ADGRL2: variants seen among roughly 807,000 people sequenced by gnomAD.
The protein encoded by ADGRL2 is calcium-independent alpha-latrotoxin receptor 2.
In ADGRL2, 44 loss-of-function variants were observed where a neutral mutation model predicts 157.4. The observed-to-expected ratio is 0.28, with a 90% CI of 0.22 to 0.36. ADGRL2 has a LOEUF of 0.36. Ranked by LOEUF, ADGRL2 falls within the 10% of genes least tolerant of loss-of-function variation. The pLI is 1.00. For synonymous variants in ADGRL2, 585 were observed against 624.7 expected (o/e 0.94, Z 0.95); for missense variants, 1,510 against 1,768.9 (o/e 0.85, Z 2.63).
At chr1:81,476,301 C>G (rs2078272176) in intron 2 of ADGRL2, among the ~76,000 whole-genome samples, 2 of 152,108 alleles carry the variant, frequency 1.3e-5, no homozygotes, top group Non-Finnish European at 2.9e-5. Flanking sequence ...ACTGAGAGAA[C>G]TTGACAATAT....
Position 81,990,377 on chromosome 1 carries a change from CT to C in ADGRL2, c.3656-13del. ...ACAGAGACAGTAATGATAACTCCCC[CT>C]CTTCTGTTTCAGGACATTCACTGAA... On this transcript the variant is annotated splice_polypyrimidine_tract_variant and intron_variant, in intron 23 of 23. Coordinates refer to ENST00000686636, the MANE Select transcript of ADGRL2 (RefSeq NM_001366006.2). 6.2e-7 allele frequency: 1 copy of C among 1,606,880 alleles called. No individual in the cohort carries two copies. The highest frequency in any genetic ancestry group is 8.5e-7 in the Non-Finnish European group (1 of 1,175,054).
chr1:81,678,847 G>A (rs2083049529), intron 3 of ADGRL2, among the ~76,000 whole-genome samples: 1 of 152,122 alleles, frequency 6.6e-6, no homozygotes, highest in Non-Finnish European at 1.5e-5. Context: ...GGTGTGCAAA[G>A]GTTAGAGGCA....
At chr1:81,942,068 C>T (rs1489906490) in intron 5 of ADGRL2, 23 bp downstream of exon 5, 1 of 765,778 alleles carries the variant, frequency 1.3e-6, no homozygotes. Flanking sequence ...CAGTCTGAAC[C>T]CCAGCTCCCT....
intron 2 of ADGRL2, among the ~76,000 whole-genome samples, chr1:81,842,504 C>T (rs1292770803): frequency 1.3e-5 from 2 of 151,630 alleles, no homozygotes; most frequent in Non-Finnish European, 2.9e-5. Flanking sequence ...ATTACAGGCA[C>T]CTGCCACCAT....
intron 3 of ADGRL2, among the ~76,000 whole-genome samples, chr1:81,620,257 C>A (rs961226975): frequency 4.0e-5 from 6 of 150,880 alleles, no homozygotes; most frequent in Non-Finnish European, 8.9e-5. Context: ...TCACATTTTT[C>A]AATTTCACAT....
intron 1 of ADGRL2, among the ~76,000 whole-genome samples, chr1:81,833,105 T>C (rs1324384346): frequency 1.3e-5 from 2 of 152,244 alleles, no homozygotes; most frequent in Non-Finnish European, 1.5e-5. Context: ...TAGTAAATTC[T>C]GTCTCATAAT....
At chr1:81,787,434 C>T (rs940025308) in intron 2 of ADGRL2, among the ~76,000 whole-genome samples, 1 of 151,936 alleles carries the variant, frequency 6.6e-6, no homozygotes, top group African/African-American at 2.4e-5. Context: ...GAGGGTGGAT[C>T]ACCTGAGGTC....
intron 1 of ADGRL2, among the ~76,000 whole-genome samples, chr1:81,378,977 A>G (rs1329761157): frequency 6.6e-6 from 1 of 152,172 alleles, no homozygotes; most frequent in Non-Finnish European, 1.5e-5. Flanking sequence ...TTTGATTGCC[A>G]TATTTGTTAA....
chr1:81,716,386 A>G (rs185607852), intron 1 of ADGRL2, among the ~76,000 whole-genome samples: 12 of 152,292 alleles, frequency 7.9e-5, no homozygotes, highest in Non-Finnish European at 1.2e-4. Flanking sequence ...GTACTAAATG[A>G]GTTCTTATAC....
At chr1:81,395,041 C>A (rs1012630796) in intron 1 of ADGRL2, among the ~76,000 whole-genome samples, 1 of 151,906 alleles carries the variant, frequency 6.6e-6, no homozygotes, top group African/African-American at 2.4e-5. Flanking sequence ...TGGGACTACA[C>A]GTGTGTGCCA....
intron 3 of ADGRL2, among the ~76,000 whole-genome samples, chr1:81,603,600 C>T (rs1458634181): frequency 6.6e-6 from 1 of 152,186 alleles, no homozygotes; most frequent in African/African-American, 2.4e-5. Flanking sequence ...CAGTGTCATC[C>T]ATTCAACTCC....
intron 3 of ADGRL2, among the ~76,000 whole-genome samples, chr1:81,691,624 G>T (rs548190631): frequency 2.7e-4 from 41 of 151,582 alleles, no homozygotes; most frequent in African/African-American, 9.7e-4. Flanking sequence ...TCAGCCTCTC[G>T]AGTAGCTGGG....
intron 1 of ADGRL2, among the ~76,000 whole-genome samples, chr1:81,343,202 G>A (rs575283315): frequency 5.1e-4 from 75 of 147,200 alleles, no homozygotes; most frequent in African/African-American, 1.8e-3. Context: ...CAATTGTCAC[G>A]CCTTAGCCTC....
intron 1 of ADGRL2, among the ~76,000 whole-genome samples, chr1:81,827,770 G>T (rs963442684): frequency 2.0e-5 from 3 of 152,050 alleles, no homozygotes; most frequent in Non-Finnish European, 4.4e-5. Context: ...TCACCAAGTT[G>T]TCCAGGCTGG....
intron 1 of ADGRL2, among the ~76,000 whole-genome samples, chr1:81,329,082 C>CCA (rs35644430): frequency 0.22 from 33,706 of 151,902 alleles, 3,845 homozygotes; most frequent in South Asian, 0.32. Context: ...CAGAAGAAGT[C>CCA]GAGTTTTCAC....
intron 23 of ADGRL2, chr1:81,989,821 T>C: frequency 1.4e-6 from 2 of 1,435,282 alleles, no homozygotes; most frequent in Non-Finnish European, 1.8e-6. Context: ...TTTGTATCTG[T>C]CCATGTTTTC....
chr1:81,611,525 A>G (rs1339864230), intron 3 of ADGRL2, among the ~76,000 whole-genome samples: 2 of 152,244 alleles, frequency 1.3e-5, no homozygotes, highest in African/African-American at 4.8e-5. Flanking sequence ...CACTGAGACT[A>G]CTATGTGTAA....
intron 2 of ADGRL2, among the ~76,000 whole-genome samples, chr1:81,450,082 A>G (rs1184409489): frequency 1.3e-5 from 2 of 152,170 alleles, no homozygotes; most frequent in Non-Finnish European, 2.9e-5. Context: ...ACCATGCTCA[A>G]AGTGAACCAG....
At chr1:81,847,474 G>A (rs746884245) in intron 2 of ADGRL2, among the ~76,000 whole-genome samples, 3 of 151,858 alleles carry the variant, frequency 2.0e-5, no homozygotes, top group Non-Finnish European at 4.4e-5. Flanking sequence ...ATCGAGGTTT[G>A]TTTTAAACCC....
Sources: gnomAD v4.1 joint callset for allele counts (sites outside exome capture counted in the v4.1 genomes callset) on GRCh38, gnomAD v4.1.1 for gene constraint, MANE v1.5 for transcripts, NCBI Gene and HGNC (gene_info 2026-07-23, HGNC 2026-07-21) for gene names.